MAGI3: variants seen among roughly 807,000 people sequenced by gnomAD.
MAGI3 encodes the protein membrane-associated guanylate kinase, WW and PDZ domain-containing protein 3.
Under a neutral mutation model 121.8 loss-of-function variants are expected in MAGI3, and 43 were observed. The observed-to-expected ratio is 0.35, with a 90% CI of 0.28 to 0.46. The LOEUF (loss-of-function observed/expected upper bound fraction) is 0.46. MAGI3 is among the 20% of genes least tolerant of loss of function. The pLI, the probability that MAGI3 is intolerant of heterozygous loss-of-function variation, is 1.00. For missense variants in MAGI3, 1,547 were observed against 1,797.3 expected (o/e 0.86, Z 2.52); for synonymous variants, 553 against 639.3 (o/e 0.86, Z 2.04).
intron 11 of MAGI3, among the ~76,000 whole-genome samples, chr1:113,644,399 G>A (rs1454148542): frequency 6.6e-6 from 1 of 152,088 alleles, no homozygotes; most frequent in Non-Finnish European, 1.5e-5. Flanking sequence ...TCCTGCCTCA[G>A]CCTCCCAAGT....
At chr1:113,517,405 C>A (rs1379693678) in intron 1 of MAGI3, among the ~76,000 whole-genome samples, 1 of 151,734 alleles carries the variant, frequency 6.6e-6, no homozygotes, top group Non-Finnish European at 1.5e-5. Context: ...TTGAGAAAAT[C>A]ACCATTATAG....
chr1:113,405,908 C>T (rs1651657040), intron 1 of MAGI3, among the ~76,000 whole-genome samples: 1 of 152,062 alleles, frequency 6.6e-6, no homozygotes, highest in South Asian at 2.1e-4. Flanking sequence ...TAGGTATAAA[C>T]CCAGAGTGGT....
intron 1 of MAGI3, among the ~76,000 whole-genome samples, chr1:113,453,274 C>T (rs1264575045): frequency 6.6e-6 from 1 of 152,154 alleles, no homozygotes; most frequent in East Asian, 1.9e-4. Flanking sequence ...ATCTTTCTTG[C>T]ATAAACAACA....
chr1:113,451,439 C>T (rs1654478535), intron 1 of MAGI3, among the ~76,000 whole-genome samples: 1 of 152,064 alleles, frequency 6.6e-6, no homozygotes, highest in South Asian at 2.1e-4. Flanking sequence ...TAAAATTGTA[C>T]ACAATATTAT....
chr1:113,449,023 C>T (rs776500377), intron 1 of MAGI3, among the ~76,000 whole-genome samples: 1 of 150,308 alleles, frequency 6.7e-6, no homozygotes, highest in Non-Finnish European at 1.5e-5. Context: ...GAGGCTGAGG[C>T]AGGGAAATTG....
At chr1:113,462,785 T>A (rs993584233) in intron 1 of MAGI3, among the ~76,000 whole-genome samples, 3 of 152,292 alleles carry the variant, frequency 2.0e-5, no homozygotes, top group Admixed American at 2.0e-4. Context: ...TAGTACAGCA[T>A]CCTTTTAGGC....
At chr1:113,569,504 T>C (rs1660568573) in intron 2 of MAGI3, among the ~76,000 whole-genome samples, 1 of 152,222 alleles carries the variant, frequency 6.6e-6, no homozygotes, top group African/African-American at 2.4e-5. Flanking sequence ...GTTAGTGTTC[T>C]AGTTACAAAG....
chr1:113,661,129 G>A (rs1260552009), intron 16 of MAGI3, among the ~76,000 whole-genome samples: 2 of 152,062 alleles, frequency 1.3e-5, no homozygotes, highest in Non-Finnish European at 2.9e-5. Context: ...CTGTAGAACT[G>A]GAGTAGTAAT....
chr1:113,438,133 G>A (rs1557757538), intron 1 of MAGI3, among the ~76,000 whole-genome samples: 1 of 151,682 alleles, frequency 6.6e-6, no homozygotes, highest in Non-Finnish European at 1.5e-5. Flanking sequence ...TTGAGGCTGG[G>A]GTGACAAGGT....
intron 2 of MAGI3, among the ~76,000 whole-genome samples, chr1:113,570,043 C>G (rs993478167): frequency 6.6e-6 from 1 of 151,952 alleles, no homozygotes; most frequent in Non-Finnish European, 1.5e-5. Flanking sequence ...TCACCCCTTG[C>G]CCCCCACACC....
intron 9 of MAGI3, among the ~76,000 whole-genome samples, chr1:113,630,276 A>G (rs1468993578): frequency 6.6e-6 from 1 of 152,048 alleles, no homozygotes; most frequent in Non-Finnish European, 1.5e-5. Context: ...GCCACTGCTA[A>G]TGCTCACCTA....
chr1:113,674,734 T>C (rs1468178525), intron 19 of MAGI3, among the ~76,000 whole-genome samples: 3 of 152,180 alleles, frequency 2.0e-5, no homozygotes, highest in African/African-American at 7.2e-5. Context: ...TAAACACATA[T>C]TGAGTGTTTG....
intron 1 of MAGI3, among the ~76,000 whole-genome samples, chr1:113,410,464 T>A (rs190872423): frequency 1.3e-5 from 2 of 152,156 alleles, no homozygotes; most frequent in East Asian, 3.9e-4. Context: ...GCTGTGACCG[T>A]CCTAGACGTG....
rs184688947 is a variant in MAGI3, at chr1:113,549,120, T to C, written c.317-395T>C. Among the ~76,000 whole-genome samples the C allele has an allele frequency of 3.0e-4, 46 of 152,344 alleles. 1 individual carries two copies. In the East Asian group the frequency reaches 8.5e-3, roughly 28 times the overall value. On this transcript the variant is annotated intron_variant, in intron 1 of 20. Coordinates refer to ENST00000307546, the MANE Select transcript of MAGI3 (RefSeq NM_001142782.2). ...ATTTGACTTCCAAATATATCTGCAA[T>C]ATATATGCATCAGTTTGATGAGTTT...
At chr1:113,543,485 T>TA (rs1174450462) in intron 1 of MAGI3, among the ~76,000 whole-genome samples, 3 of 152,206 alleles carry the variant, frequency 2.0e-5, no homozygotes, top group African/African-American at 4.8e-5. Context: ...GATAGACTAT[T>TA]AAAGAGTGCT....
At chr1:113,402,946 G>A (rs939079218) in intron 1 of MAGI3, among the ~76,000 whole-genome samples, 1 of 152,052 alleles carries the variant, frequency 6.6e-6, no homozygotes, top group Admixed American at 6.6e-5. Flanking sequence ...GTCTTGCTTG[G>A]GCTCTTTGTA....
At chr1:113,474,225 C>G (rs138877976) in intron 1 of MAGI3, among the ~76,000 whole-genome samples, 24,057 of 152,188 alleles carry the variant, frequency 0.16, 2,213 homozygotes, top group Non-Finnish European at 0.2. Context: ...CCTGTTCACT[C>G]TGATGGTAGT....
Position 113,683,603 on chromosome 1 carries a change from G to T in MAGI3, c.4035G>T (p.Gln1345His). 1 of 1,613,790 alleles carries T rather than the reference G, an allele frequency of 6.2e-7. No homozygotes were observed. Among genetic ancestry groups the T allele is most frequent in the Non-Finnish European group, 8.5e-7 (1 of 1,179,848 alleles). ...TCAGGAAAGATGCAAAGCAGAATCA[G>T]TTGGAAAAAAGCAGAACAAGGTCTC... Reference protein sequence around the residue: ...DVIRKDAKQNQLEKSRTRSPE... With the variant: ...DVIRKDAKQNHLEKSRTRSPE... The change falls in exon 21 of 21, where the codon CAG becomes CAT. Residue 1345 changes from glutamine to histidine, a missense_variant. By Grantham distance (24) the Gln-to-His change is conservative. Coordinates refer to ENST00000307546, the MANE Select transcript of MAGI3 (RefSeq NM_001142782.2).
chr1:113,485,982 G>A (rs1656361740), intron 1 of MAGI3, among the ~76,000 whole-genome samples: 1 of 152,038 alleles, frequency 6.6e-6, no homozygotes, highest in South Asian at 2.1e-4. Context: ...TTAAATATTT[G>A]GCTTTATTTC....
Sources: allele counts gnomAD v4.1 joint callset (sites outside exome capture counted in the v4.1 genomes callset), GRCh38; gene constraint gnomAD v4.1.1; transcripts MANE v1.5; gene names NCBI Gene and HGNC (gene_info 2026-07-23, HGNC 2026-07-21).